Variants in LRRC4C observed in about 807,000 individuals in gnomAD.
LRRC4C encodes leucine rich repeat containing 4C, also known as leucine-rich repeat-containing protein 4C.
Under a neutral mutation model 33.6 loss-of-function variants are expected in LRRC4C, and 5 were observed. That is an observed-to-expected ratio of 0.15 (90% CI 0.08 to 0.31). LRRC4C has a LOEUF of 0.31. LRRC4C is among the 10% of genes least tolerant of loss of function. The probability of loss-of-function intolerance (pLI) is 1.00; values close to 1 mark genes in which losing one functional copy is unlikely to be tolerated. For synonymous variants in LRRC4C, 329 were observed against 302.0 expected, an observed-to-expected ratio of 1.09 and a Z score of -0.93; for missense variants, 560 against 796.7, an observed-to-expected ratio of 0.70 and a Z score of 3.58.
chr11:40,421,410 G>A (rs1950519705), intron 3 of LRRC4C, among the ~76,000 whole-genome samples: 1 of 152,090 alleles, frequency 6.6e-6, no homozygotes. Context: ...TTTGTAATAG[G>A]GCCTCCAGCC....
chr11:40,833,015 G>A (rs1049781536), intron 2 of LRRC4C, among the ~76,000 whole-genome samples: 1 of 152,052 alleles, frequency 6.6e-6, no homozygotes, highest in African/African-American at 2.4e-5. Context: ...CTATCATATT[G>A]AATTAACCTA....
chr11:41,325,585 G>T lies in LRRC4C; in HGVS notation c.-496+133846C>A, dbSNP rs868476218. 4.9e-3 allele frequency among the ~76,000 whole-genome samples: 630 copies of T among 127,950 alleles called. 9 individuals are homozygous for T. Among genetic ancestry groups the T allele is most frequent in the South Asian group, 0.019 (79 of 4,192 alleles). 83.9% of individuals were successfully genotyped at this position (127,950 alleles called of 152,430 possible). On this transcript the variant is annotated intron_variant, in intron 1 of 6. Transcript: ENST00000528697. ...CTTATAGTTTTTTTTTTTTGTGTGT[G>T]TGTGTGTGTGTGTGTGTGTGTGTGT...
intron 3 of LRRC4C, among the ~76,000 whole-genome samples, chr11:40,385,142 G>A (rs1035186340): frequency 6.6e-6 from 1 of 152,034 alleles, no homozygotes; most frequent in Non-Finnish European, 1.5e-5. Context: ...ACAGAGACAG[G>A]TTTCTAATAC....
At chr11:40,847,107 A>G (rs1285962510) in intron 2 of LRRC4C, among the ~76,000 whole-genome samples, 2 of 138,924 alleles carry the variant, frequency 1.4e-5, no homozygotes, top group Non-Finnish European at 3.1e-5. Flanking sequence ...AGATAATTTG[A>G]CTTCCTCTCT....
chr11:41,361,837 C>T (rs938715839), intron 1 of LRRC4C, among the ~76,000 whole-genome samples: 6 of 152,012 alleles, frequency 3.9e-5, no homozygotes, highest in Non-Finnish European at 4.4e-5. Context: ...TATATAATCC[C>T]TTTGTTCTGG....
intron 2 of LRRC4C, among the ~76,000 whole-genome samples, chr11:40,867,457 T>A (rs935751727): frequency 1.1e-4 from 17 of 152,206 alleles, no homozygotes; most frequent in African/African-American, 4.1e-4. Context: ...CATTGGTGAC[T>A]CTTAAAGTAA....
intron 2 of LRRC4C, among the ~76,000 whole-genome samples, chr11:40,664,873 C>T (rs1176274593): frequency 1.3e-5 from 2 of 151,838 alleles, no homozygotes; most frequent in East Asian, 3.9e-4. Flanking sequence ...GTGCTGCACC[C>T]ACTAACTCGT....
chr11:40,572,058 T>C (rs1266225446), intron 3 of LRRC4C, among the ~76,000 whole-genome samples: 1 of 152,188 alleles, frequency 6.6e-6, no homozygotes, highest in Non-Finnish European at 1.5e-5. Flanking sequence ...TATTTTCCTC[T>C]TTAACAAATG....
intron 1 of LRRC4C, among the ~76,000 whole-genome samples, chr11:41,451,037 T>C (rs898394274): frequency 6.6e-5 from 10 of 152,256 alleles, no homozygotes; most frequent in Admixed American, 5.2e-4. Flanking sequence ...CCTCTGTCAA[T>C]ATAATGTCAA....
At chr11:41,112,005 T>A (rs10742576) in intron 1 of LRRC4C, among the ~76,000 whole-genome samples, 1 of 151,812 alleles carries the variant, frequency 6.6e-6, no homozygotes, top group Non-Finnish European at 1.5e-5. Flanking sequence ...TGAGAGAGGA[T>A]GTAAAAAGTA....
intron 3 of LRRC4C, among the ~76,000 whole-genome samples, chr11:40,322,414 T>A (rs959093457): frequency 2.6e-5 from 4 of 151,890 alleles, no homozygotes; most frequent in African/African-American, 9.7e-5. Context: ...CCTGGCTAAT[T>A]TTTGTGTTTT....
intron 1 of LRRC4C, among the ~76,000 whole-genome samples, chr11:41,294,676 C>T (rs750211189): frequency 6.6e-6 from 1 of 151,956 alleles, no homozygotes; most frequent in Non-Finnish European, 1.5e-5. Context: ...GTTTTATATT[C>T]CAATGGAACT....
At chr11:41,088,515 T>C (rs764064112) in intron 1 of LRRC4C, among the ~76,000 whole-genome samples, 1 of 152,076 alleles carries the variant, frequency 6.6e-6, no homozygotes. Context: ...TCCTTAAAAA[T>C]AGTCACCAGG....
intron 1 of LRRC4C, among the ~76,000 whole-genome samples, chr11:41,414,375 G>C (rs1954601375): frequency 6.6e-6 from 1 of 152,124 alleles, no homozygotes. Flanking sequence ...GTGAAAGAGA[G>C]CTCTCTTTTA....
intron 5 of LRRC4C, among the ~76,000 whole-genome samples, chr11:40,218,040 G>T (rs1443557277): frequency 6.6e-6 from 1 of 152,108 alleles, no homozygotes; most frequent in Non-Finnish European, 1.5e-5. Flanking sequence ...TTGTGGCTAA[G>T]TGTCAATATA....
At chr11:41,145,078 T>A (rs1344855158) in intron 1 of LRRC4C, among the ~76,000 whole-genome samples, 1 of 152,176 alleles carries the variant, frequency 6.6e-6, no homozygotes. Context: ...AAAATAAGCA[T>A]ACGTAATACA....
chr11:40,472,997 C>G (rs561741047), intron 3 of LRRC4C, among the ~76,000 whole-genome samples: 2 of 152,218 alleles, frequency 1.3e-5, no homozygotes, highest in East Asian at 3.9e-4. Flanking sequence ...TGGGACCAGA[C>G]AGACTCACAG....
At chr11:41,414,733 G>A (rs985720868) in intron 1 of LRRC4C, among the ~76,000 whole-genome samples, 4 of 151,942 alleles carry the variant, frequency 2.6e-5, no homozygotes, top group Non-Finnish European at 4.4e-5. Flanking sequence ...TCCTCAACTC[G>A]AGAAAGATAA....
At position 40,665,371 on chromosome 11, in the gene LRRC4C, T is replaced by C. The variant is rs1565615360; in HGVS notation, c.-406-17093A>G. ...ATATATATATATATATATGTATATA[T>C]ATATATATATATATATTATTAGGGG... On this transcript the variant is annotated intron_variant, in intron 2 of 6. Coordinates refer to ENST00000528697, the MANE Select transcript of LRRC4C (RefSeq NM_001258419.2). Among the ~76,000 whole-genome samples the C allele has an allele frequency of 5.0e-5, 4 of 79,780 alleles. No homozygotes were observed. The East Asian group carries it at 8.3e-4, about 16-fold the overall frequency. 52.3% of individuals were successfully genotyped at this position (79,780 alleles called of 152,430 possible). A position where few individuals can be genotyped will look rare whatever the true frequency, so the allele number is the denominator to read the frequency against.
Sources: allele counts gnomAD v4.1 joint callset (sites outside exome capture counted in the v4.1 genomes callset), GRCh38; gene constraint gnomAD v4.1.1; transcripts MANE v1.5; gene names NCBI Gene and HGNC (gene_info 2026-07-23, HGNC 2026-07-21).